TAF1: variants seen among roughly 807,000 people sequenced by gnomAD.
The protein encoded by TAF1 is transcription initiation factor TFIID subunit 1.
TAF1 carries 2 observed loss-of-function variants against 138.5 expected under a neutral mutation model. The observed-to-expected ratio is 0.01, with a 90% CI of 0.01 to 0.05. The LOEUF (loss-of-function observed/expected upper bound fraction) is 0.05, where lower values mean the gene tolerates loss of function less well. Ranked by LOEUF, TAF1 falls within the 10% of genes least tolerant of loss-of-function variation. TAF1 has a pLI of 1.00. For missense variants in TAF1, 709 were observed against 1,478.0 expected (o/e 0.48, Z 8.53); for synonymous variants, 437 against 503.2 (o/e 0.87, Z 1.76).
At chrX:71,467,160 T>C (rs1292305450), downstream of TAF1, among the ~76,000 whole-genome samples, 2 of 103,938 alleles carry the variant, frequency 1.9e-5, no homozygotes, top group African/African-American at 7.1e-5. Context: ...GGCAGGGTCA[T>C]AGGATAATAG....
At position 71,454,194 on chromosome X, in the gene TAF1, C is replaced by T. The variant is rs1409511850; in HGVS notation, c.4778C>T (p.Thr1593Ile). The change falls in exon 33 of 38, where the codon ACT becomes ATT. Residue 1593 changes from threonine (T) to isoleucine (I), a missense_variant. By Grantham distance (89) the Thr-to-Ile change is moderately conservative (BLOSUM62 -1). Around this residue, in one of 14 missense-constraint regions of TAF1, gnomAD observed 36 missense variants for 47.3 expected, o/e 0.76. Coordinates refer to ENST00000423759, the MANE Select transcript of TAF1 (RefSeq NM_004606.5). Reference sequence around the variant, plus strand: ...GGACCTGAGAGTCAGTATACTAAGACTGCCCAGGAGATTGTGAACGTCTGT... The same window carrying T: ...GGACCTGAGAGTCAGTATACTAAGATTGCCCAGGAGATTGTGAACGTCTGT... ...YNGPESQYTK[T>I]AQEIVNVCYQ... 4.1e-6 allele frequency: 5 copies of T among 1,210,472 alleles called. No homozygotes were observed. The highest frequency in any genetic ancestry group is 5.6e-6 in the Non-Finnish European group (5 of 894,506).
intron 13 of TAF1, among the ~76,000 whole-genome samples, chrX:71,495,877 A>T (rs1250561868): frequency 8.9e-6 from 1 of 112,104 alleles, no homozygotes; most frequent in African/African-American, 3.2e-5. Flanking sequence ...AGAAGTTAGG[A>T]TAATACATGT....
At chrX:71,490,072 T>A (rs2039246915) in intron 13 of TAF1, among the ~76,000 whole-genome samples, 1 of 111,459 alleles carries the variant, frequency 9.0e-6, no homozygotes, top group South Asian at 3.7e-4. Flanking sequence ...TTTCCCCTCC[T>A]ACTTGTTCCA....
intron 35 of TAF1, chrX:71,459,225 G>A: frequency 8.9e-7 from 1 of 1,123,011 alleles, no homozygotes; most frequent in Non-Finnish European, 1.2e-6. Flanking sequence ...TGAGGAGGAG[G>A]ATGGGAAACC....
chrX:71,513,096 A>G lies in TAF1; in HGVS notation c.1367-15446A>G, dbSNP rs374722747. Among the ~76,000 whole-genome samples, 6 of 112,224 alleles carry G rather than the reference A, an allele frequency of 5.3e-5. No individual in the cohort carries two copies. The East Asian group carries it at 1.4e-3, about 26-fold the overall frequency. ...AGAGACTGCAAATCAGACTATTGCT[A>G]TTTGGAGAAGCTTAAAGCTGAGAAG... is the stretch of plus-strand genomic sequence containing the variant. On this transcript the variant is annotated intron_variant and NMD_transcript_variant, in intron 13 of 14. Coordinates refer to the TAF1 transcript ENST00000373775.
At chrX:71,473,182 C>G (rs1264260854) in intron 13 of TAF1, among the ~76,000 whole-genome samples, 1 of 111,575 alleles carries the variant, frequency 9.0e-6, no homozygotes. Flanking sequence ...GTGGCTGATG[C>G]AGCAGAAGTA....
Position 71,396,263 on chromosome X carries a change from C to T in TAF1, c.3407-990C>T, listed in dbSNP as rs112656945. Among the ~76,000 whole-genome samples, 899 of 107,979 alleles carry T rather than the reference C, an allele frequency of 8.3e-3. 10 individuals carry two copies. Among genetic ancestry groups the T allele is most frequent in the African/African-American group, 0.029 (851 of 29,571 alleles). 93.8% of individuals were successfully genotyped at this position (107,979 alleles called of 115,157 possible). A position where few individuals can be genotyped will look rare whatever the true frequency, so the allele number is the denominator to read the frequency against. On this transcript the variant is annotated intron_variant, in intron 22 of 37. Coordinates refer to ENST00000423759, the MANE Select transcript of TAF1 (RefSeq NM_004606.5). ...GACTCGGAACTTGTTTTTTGTAGTGCCATTTTCCCCCCCGAGTTGCGTGCT... is the reference window on the plus strand; with the variant it reads ...GACTCGGAACTTGTTTTTTGTAGTGTCATTTTCCCCCCCGAGTTGCGTGCT...
At chrX:71,512,405 G>A (rs748043412) in intron 13 of TAF1, among the ~76,000 whole-genome samples, 1 of 112,480 alleles carries the variant, frequency 8.9e-6, no homozygotes, top group African/African-American at 3.2e-5. Context: ...ACTTCGTTGT[G>A]TGAGTATCTC....
chrX:71,381,859 C>T lies in TAF1; in HGVS notation c.1477C>T (p.Pro493Ser). 1.7e-6 allele frequency: 2 copies of T among 1,184,237 alleles called. No homozygotes were observed. Among genetic ancestry groups the T allele is most frequent in the Non-Finnish European group, 2.3e-6 (2 of 880,934 alleles). ...TATCATTTGGGATGCTCAGGCCATG[C>T]CCCGGCTGTTGGAACCTCCTGTTTT... is the stretch of plus-strand genomic sequence containing the variant. Reference protein sequence around the residue: ...DNIIWDAQAMPRLLEPPVLTL... With the variant: ...DNIIWDAQAMSRLLEPPVLTL... The change falls in exon 9 of 38, where the codon CCC becomes TCC. Residue 493 changes from proline to serine, a missense_variant. This residue lies in a region of TAF1 where 201 missense variants were observed against 421.3 expected (regional missense o/e 0.48). Coordinates refer to ENST00000423759, the MANE Select transcript of TAF1 (RefSeq NM_004606.5).
At chrX:71,378,175 A>G (rs974543905) in intron 6 of TAF1, 60 bp from the exon 7 acceptor site, 1 of 1,120,460 alleles carries the variant, frequency 8.9e-7, no homozygotes, top group East Asian at 3.0e-5. Context: ...AACTCTCTAT[A>G]GCCTTAGGAC....
In TAF1 at chrX:71,475,784, C is replaced by T. The variant is rs147101805; in HGVS notation, c.1366+14981C>T. On this transcript the variant is annotated intron_variant and NMD_transcript_variant, in intron 13 of 14. Coordinates refer to the TAF1 transcript ENST00000373775. ...TGATGTTTGTCCTCTACAAGTCTCA[C>T]GTTGAAAGGTGATCCCCAATGTTGG... Among the ~76,000 whole-genome samples, 629 of 110,699 alleles carry T rather than the reference C, an allele frequency of 5.7e-3. 2 individuals carry two copies. Among genetic ancestry groups the T allele is most frequent in the African/African-American group, 0.02 (598 of 30,479 alleles).
intron 34 of TAF1, 91 bp from the exon 35 acceptor site, chrX:71,458,150 C>T: frequency 9.2e-7 from 1 of 1,082,274 alleles, no homozygotes; most frequent in Non-Finnish European, 1.2e-6. Flanking sequence ...TCTGCATGAT[C>T]TTTTTCTCCA....
chrX:71,430,884 G>T (rs992843318), intron 32 of TAF1, among the ~76,000 whole-genome samples: 3 of 110,900 alleles, frequency 2.7e-5, no homozygotes, highest in African/African-American at 9.8e-5. Context: ...GGAAATACAG[G>T]AAGAGTGGTT....
chrX:71,452,115 C>A (rs1340572293), intron 32 of TAF1, among the ~76,000 whole-genome samples: 24 of 105,915 alleles, frequency 2.3e-4, no homozygotes, highest in African/African-American at 7.6e-4. Flanking sequence ...GCTGACCCCC[C>A]CCCCCACCTC....
chrX:71,412,229 A>G (rs1464120128), intron 28 of TAF1, among the ~76,000 whole-genome samples: 1 of 108,280 alleles, frequency 9.2e-6, no homozygotes, highest in East Asian at 2.9e-4. Flanking sequence ...GGCTCAAGGA[A>G]TCCTCCCGTC....
At chrX:71,503,268 CAAAA>C (rs1224612515) in intron 13 of TAF1, among the ~76,000 whole-genome samples, 2 of 67,028 alleles carry the variant, frequency 3.0e-5, no homozygotes, top group Admixed American at 1.8e-4. Flanking sequence ...GAGACTGTCT[CAAAA>C]AAAAAATATA....
chrX:71,529,667 C>G (rs2040067373), intron 14 of TAF1: 1 of 331,185 alleles, frequency 3.0e-6, no homozygotes, highest in African/African-American at 2.6e-5. Flanking sequence ...AGATGCAAGT[C>G]TCCATTCTGA....
intron 36 of TAF1, among the ~76,000 whole-genome samples, chrX:71,460,019 A>T (rs928720682): frequency 1.2e-4 from 13 of 112,117 alleles, no homozygotes; most frequent in Admixed American, 9.5e-4. Context: ...TAGGAGGAAC[A>T]CTTGAGACCA....
downstream of TAF1, among the ~76,000 whole-genome samples, chrX:71,469,654 A>C (rs756502836): frequency 6.5e-4 from 72 of 110,017 alleles, no homozygotes; most frequent in Admixed American, 2.3e-3. Flanking sequence ...CTCCCACCTC[A>C]AGTGTCTCCG....
Sources: allele counts gnomAD v4.1 joint callset (sites outside exome capture counted in the v4.1 genomes callset), GRCh38; gene constraint gnomAD v4.1.1; regional missense constraint gnomAD v4.1.1; transcripts MANE v1.5; gene names NCBI Gene and HGNC (gene_info 2026-07-23, HGNC 2026-07-21).